Variants in DNAAF9 observed in about 807,000 individuals in gnomAD.
DNAAF9 encodes shulin.
In DNAAF9, 90 loss-of-function variants were observed where a neutral mutation model predicts 167.0. That is an observed-to-expected ratio of 0.54 (90% confidence interval 0.45 to 0.64). The LOEUF (loss-of-function observed/expected upper bound fraction) is 0.64. Ranked by LOEUF, DNAAF9 falls within the 30% of genes least tolerant of loss-of-function variation. The pLI is 0.00. For synonymous variants in DNAAF9, 491 were observed against 508.8 expected, an observed-to-expected ratio of 0.96 and a Z score of 0.47; for missense variants, 1,315 against 1,442.2, an observed-to-expected ratio of 0.91 and a Z score of 1.43.
chr20:3,343,552 T>G lies in DNAAF9; in HGVS notation c.845+124A>C. On this transcript the variant is annotated intron_variant, in intron 9 of 36. Coordinates refer to ENST00000252032, the MANE Select transcript of DNAAF9 (RefSeq NM_001009984.3). ...TACAGATTTCTTACCCTGTGATAACTAAAGTCAACCCATATTTTCCTGACT... is the reference window on the plus strand; with the variant it reads ...TACAGATTTCTTACCCTGTGATAACGAAAGTCAACCCATATTTTCCTGACT... The G allele has an allele frequency of 4.4e-6, 3 of 689,246 alleles. No homozygotes were observed. In the South Asian group the frequency reaches 5.6e-5, roughly 13 times the overall value. The allele number at this position is 689,246 out of a possible 1,614,324, so 42.7% of individuals were successfully genotyped here.
chr20:3,310,333 A>AAAAGAAAGAAGAAAGAAAG lies in DNAAF9; in HGVS notation c.1678+4699_1678+4700insCTTTCTTTCTTCTTTCTTT, dbSNP rs1555790606. On this transcript the variant is annotated intron_variant, in intron 20 of 36. Transcript: ENST00000252032. ...GAAAGAAAGAAAGGAAAGAGAAAGA[A>AAAAGAAAGAAGAAAGAAAG]AAAGAAAGAAAGAAAGAAAGAAAGA... Among the ~76,000 whole-genome samples the AAAAGAAAGAAGAAAGAAAG allele has an allele frequency of 3.6e-4, 38 of 106,182 alleles. 1 individual carries two copies. The highest frequency in any genetic ancestry group is 4.0e-3 in the Middle Eastern group (1 of 250). 69.7% of individuals were successfully genotyped at this position (106,182 alleles called of 152,430 possible).
intron 5 of DNAAF9, 41 bp downstream of exon 5, chr20:3,374,989 A>C (rs1268544198): frequency 9.3e-7 from 1 of 1,078,086 alleles, no homozygotes; most frequent in Non-Finnish European, 1.4e-6. Flanking sequence ...TTCACACACC[A>C]CCTAAGCAAG....
In DNAAF9 at chr20:3,318,311, A is replaced by G. The variant is rs764416345; in HGVS notation, c.1446T>C (p.Ser482=). ...TACCCTTTTCTTTAACTAAGATCTG[A>G]GAAGTCAAAAATGATTCAGAGAAAA... The part of the protein sequence containing the change: ...SVVFSESFLT[S]QILVKEKDGT... The change falls in exon 17 of 37, where the codon TCT becomes TCC. Residue 482 remains serine, a synonymous_variant. Coordinates refer to ENST00000252032, the MANE Select transcript of DNAAF9 (RefSeq NM_001009984.3). 1.9e-6 allele frequency: 3 copies of G among 1,556,226 alleles called. No homozygotes were observed. The highest frequency in any genetic ancestry group is 4.5e-5 in the East Asian group (2 of 44,524).
intron 8 of DNAAF9, among the ~76,000 whole-genome samples, chr20:3,347,024 T>G (rs777148467): frequency 2.0e-5 from 3 of 151,106 alleles, no homozygotes; most frequent in Non-Finnish European, 4.4e-5. Context: ...CTCAACAAAA[T>G]CCAAGCACAA....
chr20:3,363,255 A>C (rs1290199312), intron 6 of DNAAF9, among the ~76,000 whole-genome samples: 1 of 150,194 alleles, frequency 6.7e-6, no homozygotes, highest in African/African-American at 2.5e-5. Context: ...GAAATGATTA[A>C]TGCAAAGCAA....
intron 10 of DNAAF9, among the ~76,000 whole-genome samples, chr20:3,335,147 A>G (rs2069913225): frequency 6.6e-6 from 1 of 152,206 alleles, no homozygotes; most frequent in Non-Finnish European, 1.5e-5. Context: ...ATTTTAAAGT[A>G]TATAATTCTG....
chr20:3,323,677 G>C (rs2069660124), intron 14 of DNAAF9, among the ~76,000 whole-genome samples: 1 of 152,184 alleles, frequency 6.6e-6, no homozygotes, highest in South Asian at 2.1e-4. Flanking sequence ...TTTTCTTCTT[G>C]TGCCTTTCTC....
chr20:3,342,176 A>C (rs571483746), intron 9 of DNAAF9, among the ~76,000 whole-genome samples: 1 of 152,244 alleles, frequency 6.6e-6, no homozygotes, highest in South Asian at 2.1e-4. Flanking sequence ...CTCAACTCCA[A>C]CTTCAATACT....
At chr20:3,368,804 C>T (rs1600870613) in intron 6 of DNAAF9, among the ~76,000 whole-genome samples, 2 of 152,172 alleles carry the variant, frequency 1.3e-5, no homozygotes, top group South Asian at 2.1e-4. Context: ...AGGCATGAGC[C>T]ACTGCGCCCG....
At chr20:3,322,509 C>A in intron 15 of DNAAF9, 143 bp downstream of exon 15, 1 of 789,974 alleles carries the variant, frequency 1.3e-6, no homozygotes, top group Non-Finnish European at 2.2e-6. Context: ...CTCAGCTGAG[C>A]ACAGCCAGCC....
In DNAAF9 at chr20:3,359,462, G is replaced by A. The variant is rs911230812; in HGVS notation, c.690+54C>T. On this transcript the variant is annotated intron_variant, in intron 7 of 36. Coordinates refer to ENST00000252032, the MANE Select transcript of DNAAF9 (RefSeq NM_001009984.3). ...TCTTCAAATTAAAGATCACTAGCAG[G>A]TAACTGAGCTGGACGTAATACTAAT... The A allele has an allele frequency of 8.9e-6, 10 of 1,125,826 alleles. No individual in the cohort carries two copies. In the African/African-American group the frequency reaches 1.6e-4, roughly 18 times the overall value. 69.7% of individuals were successfully genotyped at this position (1,125,826 alleles called of 1,614,324 possible).
chr20:3,270,343 T>TAC (rs1473286619), intron 30 of DNAAF9, 84 bp downstream of exon 30: 10 of 1,314,002 alleles, frequency 7.6e-6, no homozygotes, highest in Non-Finnish European at 1.1e-5. Context: ...AGGTCTTAGA[T>TAC]ACAGTAGAAA....
intron 1 of DNAAF9, among the ~76,000 whole-genome samples, chr20:3,396,080 G>A (rs571969585): frequency 6.6e-6 from 1 of 152,356 alleles, no homozygotes; most frequent in East Asian, 1.9e-4. Context: ...CATGTGAGAT[G>A]TGCCTTTCAC....
At chr20:3,283,621 C>G (rs1040726) in intron 27 of DNAAF9, among the ~76,000 whole-genome samples, 1 of 152,098 alleles carries the variant, frequency 6.6e-6, no homozygotes, top group African/African-American at 2.4e-5. Context: ...TAGAGAAGCA[C>G]GCCTGGTAAG....
intron 1 of DNAAF9, among the ~76,000 whole-genome samples, chr20:3,400,644 T>A (rs530740375): frequency 2.8e-4 from 42 of 152,286 alleles, no homozygotes; most frequent in Non-Finnish European, 4.1e-4. Context: ...CTTTCTTTTT[T>A]AAAAATTTTA....
At chr20:3,356,984 C>T (rs181074960) in intron 7 of DNAAF9, among the ~76,000 whole-genome samples, 54 of 152,238 alleles carry the variant, frequency 3.5e-4, no homozygotes, top group African/African-American at 1.3e-3. Context: ...ATTTTCAGGT[C>T]CAAAGTACCA....
chr20:3,257,301 G>A (rs1282713208), intron 33 of DNAAF9, among the ~76,000 whole-genome samples: 5 of 151,346 alleles, frequency 3.3e-5, no homozygotes, highest in Admixed American at 6.6e-5. Context: ...ACTTGAGCCC[G>A]GGAATTCGAG....
rs1374139080 is a variant in DNAAF9 at position 3,382,515 on chromosome 20, A to G, written c.84-9T>C. The G allele has an allele frequency of 6.2e-7, 1 of 1,612,782 alleles. No individual in the cohort carries two copies. Among genetic ancestry groups the G allele is most frequent in the African/African-American group, 1.3e-5 (1 of 74,916 alleles). ...GCCGAAGTCGACTGCAGCTGCAACA[A>G]GAACAGAAAATGGTCCCCTGAGTGC... On this transcript the variant is annotated splice_polypyrimidine_tract_variant and intron_variant, in intron 1 of 36. Transcript: ENST00000252032.
intron 6 of DNAAF9, among the ~76,000 whole-genome samples, chr20:3,360,750 A>T (rs747387984): frequency 3.3e-5 from 5 of 152,194 alleles, no homozygotes; most frequent in Non-Finnish European, 7.3e-5. Flanking sequence ...CTAGACCCCA[A>T]TGGATTGCAA....
Sources: gnomAD v4.1 joint callset for allele counts (sites outside exome capture counted in the v4.1 genomes callset) on GRCh38, gnomAD v4.1.1 for gene constraint, MANE v1.5 for transcripts, NCBI Gene and HGNC (gene_info 2026-07-23, HGNC 2026-07-21) for gene names.